LIMCH1: variants seen among roughly 807,000 people sequenced by gnomAD.
LIMCH1 encodes LIM and calponin homology domains 1.
LIMCH1 carries 113 observed loss-of-function variants against 176.5 expected under a neutral mutation model. The ratio of observed to expected loss-of-function variants is 0.64; its 90% confidence interval spans 0.55 to 0.75. The LOEUF (loss-of-function observed/expected upper bound fraction) is 0.75, where lower values mean the gene tolerates loss of function less well. LIMCH1 is among the 30% of genes least tolerant of loss of function. The probability of loss-of-function intolerance (pLI) is 0.00; values close to 1 mark genes in which losing one functional copy is unlikely to be tolerated. For missense variants in LIMCH1, 1,674 were observed against 1,814.9 expected, an observed-to-expected ratio of 0.92 and a Z score of 1.41; for synonymous variants, 619 against 645.9, an observed-to-expected ratio of 0.96 and a Z score of 0.63.
chr4:41,475,166 G>A (rs2067543117), intron 1 of LIMCH1, among the ~76,000 whole-genome samples: 1 of 152,174 alleles, frequency 6.6e-6, no homozygotes. Flanking sequence ...AAGGACGCTA[G>A]TTTACATTAT....
chr4:41,381,277 C>CGGT (rs2055621428), intron 1 of LIMCH1, among the ~76,000 whole-genome samples: 1 of 152,186 alleles, frequency 6.6e-6, no homozygotes, highest in South Asian at 2.1e-4. Flanking sequence ...AGCACAGCAC[C>CGGT]AACCAATCAG....
intron 1 of LIMCH1, among the ~76,000 whole-genome samples, chr4:41,414,116 A>G (rs1443745928): frequency 5.9e-5 from 9 of 152,192 alleles, no homozygotes; most frequent in Non-Finnish European, 1.5e-5. Context: ...TAAATAAAAC[A>G]TGATATAATC....
intron 1 of LIMCH1, among the ~76,000 whole-genome samples, chr4:41,382,889 C>G (rs1390860264): frequency 2.6e-5 from 4 of 152,136 alleles, no homozygotes. Context: ...CCTCCTGGGC[C>G]AAGCAATCCT....
intron 2 of LIMCH1, among the ~76,000 whole-genome samples, chr4:41,501,857 C>CT (rs71198662): frequency 0.012 from 921 of 74,850 alleles, 16 homozygotes; most frequent in Admixed American, 0.014. Flanking sequence ...GTGTAGAATC[C>CT]TTTTTTTTTT....
chr4:41,428,730 G>C (rs2061338072), intron 1 of LIMCH1, among the ~76,000 whole-genome samples: 1 of 152,220 alleles, frequency 6.6e-6, no homozygotes, highest in Admixed American at 6.5e-5. Context: ...GCAGAAGCCA[G>C]ACTGAGATTT....
At chr4:41,494,624 T>A in intron 2 of LIMCH1, 1 of 1,536,768 alleles carries the variant, frequency 6.5e-7, no homozygotes, top group Non-Finnish European at 8.9e-7. Context: ...TAGCCTATAT[T>A]CAGTTGGTTT....
At chr4:41,619,856 A>C (rs928212926) in intron 6 of LIMCH1, 2 of 215,028 alleles carry the variant, frequency 9.3e-6, no homozygotes, top group East Asian at 1.0e-4. Context: ...TATAAGCTCA[A>C]ATATGTGATG....
At chr4:41,592,366 C>T (rs911094615) in intron 1 of LIMCH1, among the ~76,000 whole-genome samples, 1 of 152,180 alleles carries the variant, frequency 6.6e-6, no homozygotes, top group Non-Finnish European at 1.5e-5. Flanking sequence ...TCCAAATGAA[C>T]TTTTGGTATG....
intron 26 of LIMCH1, 102 bp downstream of exon 26, chr4:41,682,562 T>A (rs1716883838): frequency 9.0e-7 from 1 of 1,115,514 alleles, no homozygotes; most frequent in African/African-American, 1.6e-5. Context: ...ACATTCAGCT[T>A]CGAAATGAAT....
chr4:41,662,602 G>C (rs1256048604), intron 19 of LIMCH1, among the ~76,000 whole-genome samples: 2 of 152,186 alleles, frequency 1.3e-5, no homozygotes, highest in African/African-American at 4.8e-5. Flanking sequence ...TGTGGTTATA[G>C]GACGTGATTT....
intron 2 of LIMCH1, among the ~76,000 whole-genome samples, chr4:41,498,610 G>T (rs2072640181): frequency 6.6e-6 from 1 of 152,208 alleles, no homozygotes; most frequent in Admixed American, 6.5e-5. Context: ...CAAATGTTAT[G>T]CTGTTAGAAA....
At chr4:41,380,418 A>G (rs1255602283) in intron 1 of LIMCH1, among the ~76,000 whole-genome samples, 1 of 151,654 alleles carries the variant, frequency 6.6e-6, no homozygotes, top group East Asian at 1.9e-4. Context: ...AAGTGCTGGG[A>G]TTACAAGCAT....
At chr4:41,372,761 A>G (rs772489681) in intron 1 of LIMCH1, among the ~76,000 whole-genome samples, 4 of 152,190 alleles carry the variant, frequency 2.6e-5, no homozygotes, top group Admixed American at 6.5e-5. Flanking sequence ...CCTGGGTACT[A>G]CATAAAGCAG....
chr4:41,653,843 T>C (rs2152955230), intron 18 of LIMCH1, among the ~76,000 whole-genome samples: 1 of 152,388 alleles, frequency 6.6e-6, no homozygotes, highest in Admixed American at 6.5e-5. Context: ...ACTCTCTTAC[T>C]TTAGAACTAG....
chr4:41,398,174 TC>T (rs1210027615), intron 1 of LIMCH1, among the ~76,000 whole-genome samples: 1 of 127,810 alleles, frequency 7.8e-6, no homozygotes, highest in Non-Finnish European at 1.6e-5. Flanking sequence ...TTAAGAGTTT[TC>T]TTTTTTTTTT....
intron 1 of LIMCH1, among the ~76,000 whole-genome samples, chr4:41,400,006 A>ATT (rs756644848): frequency 3.8e-5 from 5 of 131,332 alleles, no homozygotes; most frequent in African/African-American, 1.4e-4. Flanking sequence ...TTTCATTTCC[A>ATT]TTTTTTTTTT....
rs187477470 is a variant in LIMCH1 at position 41,371,810 on chromosome 4, A to C, written c.96+10874A>C. ...CTCCCAACAGCAGCTCCACTCTTAG[A>C]CCTCTCATGTGGCACAGGCTCTGGC... is the stretch of plus-strand genomic sequence containing the variant. On this transcript the variant is annotated intron_variant, in intron 1 of 26. Coordinates refer to the LIMCH1 transcript ENST00000313860. 7.2e-5 allele frequency among the ~76,000 whole-genome samples: 11 copies of C among 152,132 alleles called. No individual in the cohort carries two copies. The East Asian group carries it at 1.5e-3, about 21-fold the overall frequency.
At chr4:41,433,923 G>A (rs1350427236) in intron 1 of LIMCH1, among the ~76,000 whole-genome samples, 1 of 152,124 alleles carries the variant, frequency 6.6e-6, no homozygotes, top group East Asian at 1.9e-4. Flanking sequence ...AGGGCAGAGG[G>A]GCTCGTCTTA....
chr4:41,670,032 T>C (rs2094959481), intron 21 of LIMCH1, among the ~76,000 whole-genome samples: 1 of 152,224 alleles, frequency 6.6e-6, no homozygotes. Flanking sequence ...GCATTCAGTT[T>C]TTAAATGCCC....
Sources: gnomAD v4.1 joint callset for allele counts (sites outside exome capture counted in the v4.1 genomes callset) on GRCh38, gnomAD v4.1.1 for gene constraint, MANE v1.5 for transcripts, NCBI Gene and HGNC (gene_info 2026-07-23, HGNC 2026-07-21) for gene names.